The following WDPCP variants were observed in gnomAD, a reference collection of about 807,000 sequenced individuals.
WDPCP encodes the protein WD repeat-containing and planar cell polarity effector protein fritz homolog.
WDPCP carries 71 observed loss-of-function variants against 93.1 expected under a neutral mutation model. That is an observed-to-expected ratio of 0.76 (90% confidence interval 0.63 to 0.93). The LOEUF (loss-of-function observed/expected upper bound fraction) is 0.93, where lower values mean the gene tolerates loss of function less well. WDPCP is among the 40% of genes least tolerant of loss of function. The pLI is 0.00. For missense variants in WDPCP, 844 were observed against 887.4 expected, an observed-to-expected ratio of 0.95 and a Z score of 0.62; for synonymous variants, 315 against 315.0, an observed-to-expected ratio of 1.00 and a Z score of 0.00.
chr2:63,667,084 G>A (rs957193302), intron 2 of WDPCP, among the ~76,000 whole-genome samples: 4 of 152,122 alleles, frequency 2.6e-5, no homozygotes, highest in Non-Finnish European at 5.9e-5. Context: ...ACGATTTCAG[G>A]GGTGCATACA....
At chr2:63,160,882 T>C (rs2103890745) in intron 15 of WDPCP, among the ~76,000 whole-genome samples, 1 of 152,300 alleles carries the variant, frequency 6.6e-6, no homozygotes, top group East Asian at 1.9e-4. Flanking sequence ...TGTTGTGATG[T>C]AATAGGAAGC....
intron 3 of WDPCP, among the ~76,000 whole-genome samples, chr2:63,623,063 C>T (rs928324278): frequency 6.6e-6 from 1 of 152,218 alleles, no homozygotes; most frequent in Non-Finnish European, 1.5e-5. Flanking sequence ...ATTTTCAGCC[C>T]AGAATCTCAT....
At chr2:63,594,628 A>C (rs1433733697) in intron 3 of WDPCP, 2 of 1,330,636 alleles carry the variant, frequency 1.5e-6, no homozygotes, top group South Asian at 2.4e-5. Flanking sequence ...TTAGAGTAAG[A>C]ATATGGTTAA....
intron 13 of WDPCP, among the ~76,000 whole-genome samples, chr2:63,311,752 T>C (rs1260423055): frequency 2.0e-5 from 3 of 152,192 alleles, no homozygotes; most frequent in Non-Finnish European, 4.4e-5. Flanking sequence ...AGATATGATT[T>C]GAGAAAAGTT....
At chr2:63,292,370 TA>T (rs58792171) in intron 13 of WDPCP, among the ~76,000 whole-genome samples, 3 of 149,930 alleles carry the variant, frequency 2.0e-5, no homozygotes, top group Admixed American at 6.6e-5. Flanking sequence ...CAGTTTTATT[TA>T]AAAAAAAAAT....
At chr2:63,448,739 G>A (rs1388328329) in intron 6 of WDPCP, among the ~76,000 whole-genome samples, 1 of 152,116 alleles carries the variant, frequency 6.6e-6, no homozygotes, top group Non-Finnish European at 1.5e-5. Flanking sequence ...GGGACATTAT[G>A]CTAAGGGAAA....
chr2:63,822,186 C>A (rs955163092), intron 1 of WDPCP, among the ~76,000 whole-genome samples: 3 of 151,852 alleles, frequency 2.0e-5, no homozygotes, highest in African/African-American at 7.3e-5. Context: ...TTTTATGTAA[C>A]AATTTTAAAA....
chr2:63,647,758 T>C (rs941240704), intron 3 of WDPCP, among the ~76,000 whole-genome samples: 1 of 152,170 alleles, frequency 6.6e-6, no homozygotes, highest in Admixed American at 6.5e-5. Context: ...TGGGTAAAAC[T>C]GGGTAAAGGA....
intron 3 of WDPCP, among the ~76,000 whole-genome samples, chr2:63,630,698 A>G (rs886694685): frequency 1.1e-4 from 17 of 152,238 alleles, no homozygotes; most frequent in Non-Finnish European, 5.9e-5. Context: ...CTCTTTCTCA[A>G]CAATGGATAG....
chr2:63,162,536 G>C (rs1672711912), intron 15 of WDPCP, among the ~76,000 whole-genome samples: 1 of 152,142 alleles, frequency 6.6e-6, no homozygotes, highest in Admixed American at 6.5e-5. Flanking sequence ...ATATTTCATA[G>C]GTGGGGATAA....
chr2:63,433,614 T>C lies in WDPCP; in HGVS notation c.825+131A>G, dbSNP rs1026330235. On this transcript the variant is annotated intron_variant, in intron 9 of 17. Transcript: ENST00000272321. Reference sequence around the variant, plus strand: ...GAATTGTCTGGGTATCTTCTAGATATGATACTTTTTGAATATTTGAAAAAC... The same window carrying C: ...GAATTGTCTGGGTATCTTCTAGATACGATACTTTTTGAATATTTGAAAAAC... 9 of 990,264 alleles carry C rather than the reference T, an allele frequency of 9.1e-6. No homozygotes were observed. In the East Asian group the frequency reaches 2.1e-4, roughly 23 times the overall value. The allele number at this position is 990,264 out of a possible 1,614,324, so 61.3% of individuals were successfully genotyped here.
At chr2:63,242,367 A>T (rs898976530) in intron 14 of WDPCP, among the ~76,000 whole-genome samples, 2 of 152,194 alleles carry the variant, frequency 1.3e-5, no homozygotes, top group African/African-American at 4.8e-5. Flanking sequence ...GATGTCTTTG[A>T]AAAGGATTTC....
At chr2:63,598,487 T>C (rs533529309) in intron 3 of WDPCP, among the ~76,000 whole-genome samples, 18 of 152,152 alleles carry the variant, frequency 1.2e-4, no homozygotes, top group Non-Finnish European at 2.6e-4. Flanking sequence ...ACCCAGCAAA[T>C]AGGCTTGCCG....
chr2:63,835,284 G>T, the WDPCP span, among the ~76,000 whole-genome samples: 1 of 151,472 alleles, frequency 6.6e-6, no homozygotes, highest in Non-Finnish European at 1.5e-5. Flanking sequence ...CAGCTACTTG[G>T]GAGACTGAGG....
chr2:63,736,672 C>T (rs1378591536), intron 2 of WDPCP, among the ~76,000 whole-genome samples: 1 of 152,098 alleles, frequency 6.6e-6, no homozygotes, highest in African/African-American at 2.4e-5. Flanking sequence ...AGTTATTTTT[C>T]CTCTGGAATA....
intron 14 of WDPCP, among the ~76,000 whole-genome samples, chr2:63,200,932 A>C (rs754135103): frequency 2.6e-5 from 4 of 152,092 alleles, no homozygotes; most frequent in Non-Finnish European, 4.4e-5. Context: ...TGTGTTTTGA[A>C]ATGTGAGAAG....
chr2:63,403,794 T>A lies in WDPCP; in HGVS notation c.1435+254A>T. The A allele has an allele frequency of 1.1e-5, 5 of 468,132 alleles. No homozygotes were observed. The South Asian group carries it at 1.2e-4, about 12-fold the overall frequency. 29.0% of individuals were successfully genotyped at this position (468,132 alleles called of 1,614,324 possible). The stretch of plus-strand genomic sequence containing the variant: ...GTAGTGTAGTTTATTTTAGAGCGTA[T>A]CAAATGTAAAAATTAGGGCTTTTGA... On this transcript the variant is annotated intron_variant, in intron 10 of 17. Coordinates refer to ENST00000272321, the MANE Select transcript of WDPCP (RefSeq NM_015910.7).
chr2:63,321,569 AT>A (rs1687096842), intron 12 of WDPCP, among the ~76,000 whole-genome samples: 1 of 152,042 alleles, frequency 6.6e-6, no homozygotes, highest in Non-Finnish European at 1.5e-5. Context: ...ATCTCCTACA[AT>A]TTCTGCTTTA....
intron 9 of WDPCP, among the ~76,000 whole-genome samples, chr2:63,414,233 C>T (rs12473110): frequency 0.4 from 60,645 of 151,862 alleles, 12,424 homozygotes; most frequent in Non-Finnish European, 0.43. Flanking sequence ...CTGTTGGGAA[C>T]GTAAACTAGT....
Sources: gnomAD v4.1 joint callset for allele counts (sites outside exome capture counted in the v4.1 genomes callset) on GRCh38, gnomAD v4.1.1 for gene constraint, MANE v1.5 for transcripts, NCBI Gene and HGNC (gene_info 2026-07-23, HGNC 2026-07-21) for gene names.